The following CROCC2 variants were observed in gnomAD, a reference collection of about 807,000 sequenced individuals.
The protein encoded by CROCC2 is ciliary rootlet coiled-coil protein 2.
A neutral mutation model predicts 177.6 loss-of-function variants in CROCC2; 163 were observed. The ratio of observed to expected loss-of-function variants is 0.92; its 90% CI spans 0.81 to 1.05. CROCC2 has a LOEUF of 1.05. Ranked by LOEUF, CROCC2 falls within the 50% of genes least tolerant of loss-of-function variation. The pLI is 0.00. For missense variants in CROCC2, 1,929 were observed against 1,797.8 expected, an observed-to-expected ratio of 1.07 and a Z score of -1.32; for synonymous variants, 904 against 787.3, an observed-to-expected ratio of 1.15 and a Z score of -2.48.
intron 1 of CROCC2, among the ~76,000 whole-genome samples, chr2:240,915,859 G>A (rs910854131): frequency 4.6e-5 from 7 of 152,178 alleles, no homozygotes; most frequent in Non-Finnish European, 8.8e-5. Context: ...GAAGAGATAG[G>A]GGCCGGGCTC....
In CROCC2 at chr2:240,965,715, G is replaced by T. The variant is rs553945073; in HGVS notation, c.3683G>T (p.Arg1228Leu). 12 of 1,547,718 alleles carry T rather than the reference G, an allele frequency of 7.8e-6. No homozygotes were observed. The highest frequency in any genetic ancestry group is 1.0e-5 in the Non-Finnish European group (12 of 1,145,688). The change falls in exon 24 of 32, where the codon CGT becomes CTT. Residue 1228 changes from arginine to leucine, a missense_variant. Physicochemically the swap from Arg to Leu is moderately radical, Grantham distance 102. Around this residue, in one of 3 missense-constraint regions of CROCC2, gnomAD observed 144 missense variants for 205.2 expected, o/e 0.70. Coordinates refer to ENST00000690015, the MANE Select transcript of CROCC2 (RefSeq NM_001351305.2). ...AHGQRLQEHLRESRGAEQTLR... is the reference protein window; with the variant it reads ...AHGQRLQEHLLESRGAEQTLR... ...GGACAGCGGCTCCAGGAGCACCTCCGTGAGAGCCGGGGGGCTGAGCAGACC... is the reference window on the plus strand; with the variant it reads ...GGACAGCGGCTCCAGGAGCACCTCCTTGAGAGCCGGGGGGCTGAGCAGACC...
In CROCC2 at chr2:240,958,563, A is replaced by C; in HGVS notation, c.2944-738A>C. 1.0e-6 allele frequency: 1 copy of C among 984,888 alleles called. No individual in the cohort carries two copies. Among genetic ancestry groups the C allele is most frequent in the Non-Finnish European group, 1.2e-6 (1 of 829,520 alleles). The allele number at this position is 984,888 out of a possible 1,614,324, so 61.0% of individuals were successfully genotyped here. A position where few individuals can be genotyped will look rare whatever the true frequency, so the allele number is the denominator to read the frequency against. On this transcript the variant is annotated intron_variant, in intron 19 of 31. Coordinates refer to ENST00000690015, the MANE Select transcript of CROCC2 (RefSeq NM_001351305.2). The surrounding 1 kb of genome is among the most constrained non-coding windows in gnomAD (Gnocchi z 6.7). ...CACAAAGCCAGCTCTGGAGGGAGCC[A>C]TCCCCCACCAGCCGCCCCCCGCCAG...
Position 240,918,150 on chromosome 2 carries a change from C to G in CROCC2, c.79-576C>G, listed in dbSNP as rs554854960. ...AGGACCCACCTGGGTCCCGATGGACCGAGCCTGTGGAGGGGCAGTGGGCAG... is the reference window on the plus strand; with the variant it reads ...AGGACCCACCTGGGTCCCGATGGACGGAGCCTGTGGAGGGGCAGTGGGCAG... On this transcript the variant is annotated intron_variant, in intron 1 of 31. Coordinates refer to ENST00000690015, the MANE Select transcript of CROCC2 (RefSeq NM_001351305.2). This position sits in a 1 kb window ranked among gnomAD's most constrained non-coding sequence, Gnocchi z 6.3. 2.0e-5 allele frequency among the ~76,000 whole-genome samples: 3 copies of G among 152,198 alleles called. No homozygotes were observed. The highest frequency in any genetic ancestry group is 7.2e-5 in the African/African-American group (3 of 41,448).
At position 240,956,757 on chromosome 2, in the gene CROCC2, C is replaced by T. The variant is rs371894322; in HGVS notation, c.2943+785C>T. Among the ~76,000 whole-genome samples the T allele has an allele frequency of 1.1e-4, 16 of 152,330 alleles. No individual in the cohort carries two copies. In the East Asian group the frequency reaches 2.7e-3, roughly 26 times the overall value. On this transcript the variant is annotated intron_variant, in intron 19 of 31. Coordinates refer to ENST00000690015, the MANE Select transcript of CROCC2 (RefSeq NM_001351305.2). ...GAGGCCTGTGCCTCCAGCTCATGGG[C>T]AAGGCTGGACACCCACTGTTATTGC...
intron 5 of CROCC2, among the ~76,000 whole-genome samples, chr2:240,926,863 T>G (rs2059398457): frequency 1.3e-5 from 2 of 152,396 alleles, no homozygotes; most frequent in South Asian, 4.1e-4. Context: ...TCATCGCCTA[T>G]GCCAGGCCTT....
intron 18 of CROCC2, among the ~76,000 whole-genome samples, chr2:240,951,958 G>GCTA (rs1203910308): frequency 6.6e-6 from 1 of 152,150 alleles, no homozygotes; most frequent in East Asian, 1.9e-4. Context: ...AGTATATCAT[G>GCTA]CTACCCCGAA....
Position 240,973,017 on chromosome 2 carries a change from G to C in CROCC2, c.4401+4755G>C, listed in dbSNP as rs77687569. Among the ~76,000 whole-genome samples the C allele has an allele frequency of 9.5e-3, 1,449 of 152,164 alleles. 21 individuals carry two copies. Among genetic ancestry groups the C allele is most frequent in the African/African-American group, 0.034 (1,392 of 41,520 alleles). ...CCCCTTGCTGAGCAGGGGGGTGCTA[G>C]GGTCCAGTAGGGCAGGCCTGGTGCC... is the stretch of plus-strand genomic sequence containing the variant. On this transcript the variant is annotated intron_variant, in intron 27 of 31. Transcript: ENST00000690015. The surrounding 1 kb of genome is among the most constrained non-coding windows in gnomAD (Gnocchi z 4.7).
At chr2:240,984,193 G>T (rs183700565) in intron 28 of CROCC2, among the ~76,000 whole-genome samples, 1 of 152,254 alleles carries the variant, frequency 6.6e-6, no homozygotes, top group East Asian at 1.9e-4. Context: ...GGGGTGGGCC[G>T]CAGAGGTGAG....
intron 18 of CROCC2, chr2:240,955,506 G>A: frequency 4.3e-6 from 1 of 234,052 alleles, no homozygotes; most frequent in East Asian, 8.8e-5. Flanking sequence ...TTGCCTAGAG[G>A]GATGGGGGTG....
intron 5 of CROCC2, among the ~76,000 whole-genome samples, chr2:240,926,269 T>C (rs1026004643): frequency 7.2e-5 from 11 of 152,222 alleles, no homozygotes; most frequent in African/African-American, 2.7e-4. Flanking sequence ...TCACAGCACC[T>C]GGCCGTGGCC....
At chr2:240,989,890 C>T (rs2059866369) in intron 30 of CROCC2, 57 bp downstream of exon 30, 1 of 1,461,122 alleles carries the variant, frequency 6.8e-7, no homozygotes, top group Non-Finnish European at 9.2e-7. Context: ...AGAGGACTGG[C>T]ATCCCCGCAG....
At chr2:240,963,073 G>T (rs1278366981) in intron 20 of CROCC2, among the ~76,000 whole-genome samples, 1 of 152,130 alleles carries the variant, frequency 6.6e-6, no homozygotes, top group Admixed American at 6.5e-5. Flanking sequence ...ACTGGGCCAG[G>T]GTCACTGTGC....
intron 20 of CROCC2, among the ~76,000 whole-genome samples, chr2:240,962,076 A>C (rs548267019): frequency 1.8e-5 from 2 of 112,026 alleles, no homozygotes; most frequent in East Asian, 6.8e-4. Flanking sequence ...ACACGCACTC[A>C]CACTCACACA....
chr2:240,912,272 G>A (rs2059293461), intron 1 of CROCC2, among the ~76,000 whole-genome samples: 1 of 152,122 alleles, frequency 6.6e-6, no homozygotes, highest in South Asian at 2.1e-4. Context: ...ATCCAGTTCG[G>A]ACCCTAACCA....
intron 18 of CROCC2, 123 bp from the exon 19 acceptor site, chr2:240,955,736 A>T (rs2059586260): frequency 1.5e-6 from 1 of 645,162 alleles, no homozygotes; most frequent in East Asian, 2.8e-5. Flanking sequence ...CAGGAACATG[A>T]ACGTGCTGTG....
rs115865492 is a variant in CROCC2 at position 240,982,748 on chromosome 2, G to A, written c.4402-132G>A. 0.02 allele frequency: 14,657 copies of A among 741,424 alleles called. 173 individuals carry two copies. Among genetic ancestry groups the A allele is most frequent in the Non-Finnish European group, 0.024 (10,966 of 462,018 alleles). 45.9% of individuals were successfully genotyped at this position (741,424 alleles called of 1,614,324 possible). On this transcript the variant is annotated intron_variant, in intron 27 of 31. Coordinates refer to ENST00000690015, the MANE Select transcript of CROCC2 (RefSeq NM_001351305.2). The surrounding 1 kb of genome is among the most constrained non-coding windows in gnomAD (Gnocchi z 4.7). ...CGCACTTCAGGTTGTCCTTAACCAC[G>A]TTCTTGCTGTTTTCATCCCAGCGAT...
intron 1 of CROCC2, among the ~76,000 whole-genome samples, 177 bp downstream of exon 1, chr2:240,906,768 C>T (rs868676237): frequency 3.3e-5 from 5 of 152,350 alleles, no homozygotes; most frequent in Middle Eastern, 3.4e-3. Flanking sequence ...CAAGCAGGCG[C>T]GCCTGCATGC....
chr2:240,981,615 A>G (rs1036006030), intron 27 of CROCC2: 7 of 152,116 alleles, frequency 4.6e-5, no homozygotes, highest in Non-Finnish European at 1.0e-4. Context: ...TATTTGCAGA[A>G]AACTTCTGCT....
intron 7 of CROCC2, among the ~76,000 whole-genome samples, chr2:240,931,514 C>T (rs1559594539): frequency 6.6e-6 from 1 of 152,218 alleles, no homozygotes; most frequent in Admixed American, 6.5e-5. Context: ...CAGGCCACCT[C>T]CTGCCCGATA....
Sources: allele counts gnomAD v4.1 joint callset (sites outside exome capture counted in the v4.1 genomes callset), GRCh38; gene constraint gnomAD v4.1.1; regional missense constraint gnomAD v4.1.1; non-coding constraint Gnocchi (gnomAD v3.1); transcripts MANE v1.5; gene names NCBI Gene and HGNC (gene_info 2026-07-23, HGNC 2026-07-21).